The following MACROD2 variants were observed in gnomAD, a reference collection of about 807,000 sequenced individuals.
MACROD2 encodes mono-ADP ribosylhydrolase 2, also known as ADP-ribose glycohydrolase MACROD2.
A neutral mutation model predicts 70.4 loss-of-function variants in MACROD2; 36 were observed. That is an observed-to-expected ratio of 0.51 (90% CI 0.39 to 0.68). The LOEUF (loss-of-function observed/expected upper bound fraction) is 0.68, where lower values mean the gene tolerates loss of function less well. MACROD2 is among the 30% of genes least tolerant of loss of function. The pLI is 0.00. For synonymous variants in MACROD2, 172 were observed against 178.8 expected, an observed-to-expected ratio of 0.96 and a Z score of 0.30; for missense variants, 496 against 538.4, an observed-to-expected ratio of 0.92 and a Z score of 0.78.
intron 5 of MACROD2, among the ~76,000 whole-genome samples, chr20:15,194,467 A>G (rs1414612426): frequency 6.6e-6 from 1 of 152,068 alleles, no homozygotes; most frequent in Non-Finnish European, 1.5e-5. Context: ...TTCTAGACTT[A>G]CAGAAGGGTT....
intron 6 of MACROD2, among the ~76,000 whole-genome samples, chr20:15,250,611 A>G (rs1001215164): frequency 2.0e-5 from 3 of 152,140 alleles, no homozygotes; most frequent in Non-Finnish European, 2.9e-5. Context: ...TCAACATTTT[A>G]TGTTGTGATT....
At chr20:15,637,426 T>C (rs1405236786) in intron 8 of MACROD2, among the ~76,000 whole-genome samples, 1 of 152,178 alleles carries the variant, frequency 6.6e-6, no homozygotes, top group Non-Finnish European at 1.5e-5. Flanking sequence ...ACTCAGATGC[T>C]CACTCAAATG....
At chr20:15,844,258 T>C (rs143791663) in intron 8 of MACROD2, among the ~76,000 whole-genome samples, 2 of 152,152 alleles carry the variant, frequency 1.3e-5, no homozygotes, top group African/African-American at 2.4e-5. Flanking sequence ...TTATGAGAGA[T>C]GCTATGGTAA....
chr20:14,757,674 A>T, intron 5 of MACROD2: 1 of 1,369,256 alleles, frequency 7.3e-7, no homozygotes, highest in East Asian at 2.3e-5. Flanking sequence ...TCAGACAAGA[A>T]TGTGTCCAAC....
At chr20:14,105,750 A>G (rs1308276050) in intron 3 of MACROD2, among the ~76,000 whole-genome samples, 2 of 152,100 alleles carry the variant, frequency 1.3e-5, no homozygotes, top group African/African-American at 4.8e-5. Flanking sequence ...CCTTCTTTCT[A>G]CTTGAGGAGA....
chr20:14,563,627 T>C (rs1414162874), intron 4 of MACROD2, among the ~76,000 whole-genome samples: 2 of 151,958 alleles, frequency 1.3e-5, no homozygotes, highest in African/African-American at 4.8e-5. Flanking sequence ...TGACTCAGTT[T>C]CCCCCAATGG....
At chr20:14,665,538 T>C (rs796813205) in intron 4 of MACROD2, among the ~76,000 whole-genome samples, 33 of 152,070 alleles carry the variant, frequency 2.2e-4, no homozygotes, top group African/African-American at 6.5e-4. Flanking sequence ...TTTTTTTTTC[T>C]CTCCTCAGCT....
At chr20:14,857,324 G>C (rs1351990403) in intron 5 of MACROD2, among the ~76,000 whole-genome samples, 1 of 152,202 alleles carries the variant, frequency 6.6e-6, no homozygotes, top group East Asian at 1.9e-4. Context: ...CAGGCGTTGA[G>C]GGGCCTGGCC....
chr20:14,955,537 T>C (rs565815679), intron 5 of MACROD2, among the ~76,000 whole-genome samples: 84 of 152,026 alleles, frequency 5.5e-4, no homozygotes, highest in Non-Finnish European at 7.9e-4. Context: ...GGCATGTTTT[T>C]CTTTTTCCAG....
At chr20:14,682,732 T>C (rs1166268800) in intron 4 of MACROD2, among the ~76,000 whole-genome samples, 1 of 152,196 alleles carries the variant, frequency 6.6e-6, no homozygotes, top group Non-Finnish European at 1.5e-5. Context: ...TTTTCACTAT[T>C]GTAAACAACT....
At chr20:15,131,404 C>T (rs779373906) in intron 5 of MACROD2, among the ~76,000 whole-genome samples, 1 of 151,978 alleles carries the variant, frequency 6.6e-6, no homozygotes, top group African/African-American at 2.4e-5. Context: ...TGAAATTTTT[C>T]AGGATTTGGT....
intron 3 of MACROD2, among the ~76,000 whole-genome samples, chr20:14,442,493 A>C (rs1375868065): frequency 6.6e-6 from 1 of 152,094 alleles, no homozygotes; most frequent in Admixed American, 6.5e-5. Context: ...TTTGATGCCA[A>C]AGTGAAAAAT....
At chr20:14,255,333 A>G (rs1396214365) in intron 3 of MACROD2, among the ~76,000 whole-genome samples, 1 of 152,202 alleles carries the variant, frequency 6.6e-6, no homozygotes, top group African/African-American at 2.4e-5. Flanking sequence ...GCACATATAT[A>G]CCATGGAATA....
chr20:14,778,424 T>G (rs933088696), intron 5 of MACROD2, among the ~76,000 whole-genome samples: 2 of 152,076 alleles, frequency 1.3e-5, no homozygotes, highest in South Asian at 4.1e-4. Context: ...TTCATCTCTG[T>G]TCCCTTATGT....
chr20:15,181,188 C>T (rs905744725), intron 5 of MACROD2, among the ~76,000 whole-genome samples: 4 of 152,098 alleles, frequency 2.6e-5, no homozygotes, highest in Admixed American at 6.5e-5. Context: ...ACTGTATTTT[C>T]GATTCACGTT....
At chr20:15,761,332 C>T (rs778761672) in intron 8 of MACROD2, among the ~76,000 whole-genome samples, 14 of 152,226 alleles carry the variant, frequency 9.2e-5, no homozygotes, top group Non-Finnish European at 1.5e-5. Flanking sequence ...AGGCCTGAAC[C>T]TCTGTGCCCG....
intron 8 of MACROD2, among the ~76,000 whole-genome samples, chr20:15,535,272 G>A (rs563751964): frequency 1.3e-5 from 2 of 152,112 alleles, no homozygotes; most frequent in South Asian, 4.2e-4. Flanking sequence ...CACCACATCT[G>A]GCCAAATATT....
At chr20:14,349,725 G>A (rs963402845) in intron 3 of MACROD2, among the ~76,000 whole-genome samples, 8 of 149,514 alleles carry the variant, frequency 5.4e-5, no homozygotes, top group African/African-American at 1.5e-4. Context: ...TGTGATGTTC[G>A]TCTTTCTGTG....
chr20:15,837,899 G>A (rs1421791799), intron 8 of MACROD2, among the ~76,000 whole-genome samples: 1 of 152,044 alleles, frequency 6.6e-6, no homozygotes, highest in South Asian at 2.1e-4. Flanking sequence ...ATCATCAACT[G>A]CTTAGCCCAT....
Sources: gnomAD v4.1 joint callset for allele counts (sites outside exome capture counted in the v4.1 genomes callset) on GRCh38, gnomAD v4.1.1 for gene constraint, MANE v1.5 for transcripts, NCBI Gene and HGNC (gene_info 2026-07-23, HGNC 2026-07-21) for gene names.